The following USP35 variants were observed in gnomAD, a reference collection of about 807,000 sequenced individuals.
USP35 encodes ubiquitin carboxyl-terminal hydrolase 35.
Under a neutral mutation model 83.8 loss-of-function variants are expected in USP35, and 69 were observed. The observed-to-expected ratio is 0.82, with a 90% CI of 0.68 to 1.01. The LOEUF (loss-of-function observed/expected upper bound fraction) is 1.01. USP35 is among the 50% of genes least tolerant of loss of function. USP35 has a pLI of 0.00. For synonymous variants in USP35, 714 were observed against 589.5 expected (o/e 1.21, Z -3.06); for missense variants, 1,503 against 1,362.5 (o/e 1.10, Z -1.62).
At chr11:78,226,606 GGGGGC>G in the USP35 span, 1 of 1,612,634 alleles carries the variant, frequency 6.2e-7, no homozygotes, top group Non-Finnish European at 8.5e-7. Context: ...CTTGGCTTGG[GGGGGC>G]GGGGTGGGGG....
In USP35 at chr11:78,206,019, T is replaced by C; in HGVS notation, c.1375T>C (p.Leu459=). The change falls in exon 7 of 11, where the codon TTA becomes CTA. Residue 459 remains leucine, a synonymous_variant. Coordinates refer to ENST00000529308, the MANE Select transcript of USP35 (RefSeq NM_020798.4). ...TCYVNSILQA[L]FMASDFRHCV... is the part of the protein sequence containing the mutation. ...CTATGTCAACAGCATCCTTCAGGCCTTATTCATGGCGTCTGAGTAGGTGCT... is the reference window on the plus strand; with the variant it reads ...CTATGTCAACAGCATCCTTCAGGCCCTATTCATGGCGTCTGAGTAGGTGCT... 2 of 1,612,596 alleles carry C rather than the reference T, an allele frequency of 1.2e-6. No homozygotes were observed. Among genetic ancestry groups the C allele is most frequent in the South Asian group, 1.1e-5 (1 of 90,940 alleles).
chr11:78,236,647 T>A, the USP35 span, among the ~76,000 whole-genome samples: 2 of 152,362 alleles, frequency 1.3e-5, no homozygotes, highest in South Asian at 2.1e-4. Context: ...CCTCAATTCA[T>A]AGTTTGCTAA....
intron 8 of USP35, 44 bp downstream of exon 8, chr11:78,207,667 G>A (rs1174798604): frequency 3.8e-6 from 6 of 1,584,780 alleles, no homozygotes; most frequent in Non-Finnish European, 5.2e-6. Context: ...GGCAGCTCTG[G>A]TCAGGCCCCG....
the USP35 span, chr11:78,222,261 A>G: frequency 1.0e-6 from 1 of 979,048 alleles, no homozygotes; most frequent in Non-Finnish European, 1.7e-6. Flanking sequence ...CACACCTTAT[A>G]TATAACACAT....
rs1195516806 is a variant in USP35 at position 78,209,539 on chromosome 11, A to G, written c.1684A>G (p.Ser562Gly). The G allele has an allele frequency of 1.2e-6, 2 of 1,613,992 alleles. No homozygotes were observed. The highest frequency in any genetic ancestry group is 1.7e-6 in the Non-Finnish European group (2 of 1,179,984). ...TCCGCCCGAGGAGCCCCCGGCCCCA[A>G]GTTCAACCTCTGTGGAAAAAATGTT... ...PSPPEEPPAP[S>G]STSVEKMFGG... The change falls in exon 10 of 11, where the codon AGT becomes GGT. Residue 562 changes from serine to glycine, a missense_variant. Coordinates refer to ENST00000529308, the MANE Select transcript of USP35 (RefSeq NM_020798.4).
rs1864049682 is a variant in USP35, at chr11:78,215,070, A to G, written c.*1257A>G. 1.3e-5 allele frequency among the ~76,000 whole-genome samples: 2 copies of G among 152,192 alleles called. No homozygotes were observed. The highest frequency in any genetic ancestry group is 6.5e-5 in the Admixed American group (1 of 15,280). On this transcript the variant is annotated 3_prime_UTR_variant, in exon 11 of 11. Transcript: ENST00000529308. The stretch of plus-strand genomic sequence containing the variant: ...TAAGTGACCTGTGAAAGCAGCAGAC[A>G]GACACGCCCAGAACCCATCTCTAGA...
At chr11:78,189,642 C>T (rs755110635) in intron 1 of USP35, among the ~76,000 whole-genome samples, 1 of 152,148 alleles carries the variant, frequency 6.6e-6, no homozygotes, top group Non-Finnish European at 1.5e-5. Flanking sequence ...AGCTTGGTGC[C>T]CTTCCTTCCA....
intron 6 of USP35, among the ~76,000 whole-genome samples, chr11:78,205,403 C>T (rs1329685846): frequency 1.3e-5 from 2 of 152,220 alleles, no homozygotes; most frequent in African/African-American, 2.4e-5. Flanking sequence ...ATCAGAGAGC[C>T]TCGCCACCGC....
the USP35 span, chr11:78,226,619 G>GGGC: frequency 1.1e-6 from 1 of 952,240 alleles, no homozygotes; most frequent in Non-Finnish European, 1.6e-6. Flanking sequence ...GGCGGGGTGG[G>GGGC]GGAGCTATGG....
At chr11:78,207,412 G>T (rs758469622) in intron 7 of USP35, 118 bp from the exon 8 acceptor site, 1 of 976,198 alleles carries the variant, frequency 1.0e-6, no homozygotes, top group Non-Finnish European at 1.6e-6. Flanking sequence ...CTCCGTCTTG[G>T]GGCAGAAATG....
chr11:78,205,412 G>C (rs995945940), intron 6 of USP35, among the ~76,000 whole-genome samples: 1 of 152,174 alleles, frequency 6.6e-6, no homozygotes, highest in Non-Finnish European at 1.5e-5. Context: ...CCTCGCCACC[G>C]CCAGACAGCT....
rs774532294 is a variant in USP35, at chr11:78,210,473, G to A, written c.2618G>A (p.Arg873His). Reference sequence around the variant, plus strand: ...TGCTATGCCCGTGAGGGCGCTGCCCGCCCTGCCGCTTCTCTGGGAACTGCC... The same window carrying A: ...TGCTATGCCCGTGAGGGCGCTGCCCACCCTGCCGCTTCTCTGGGAACTGCC... ...YYCYAREGAA[R>H]PAASLGTADR... is the part of the protein sequence containing the mutation. The change falls in exon 10 of 11, where the codon CGC (arginine) becomes CAC (histidine). Residue 873 changes from arginine to histidine, a missense_variant. Transcript: ENST00000529308. 20 of 1,614,052 alleles carry A rather than the reference G, an allele frequency of 1.2e-5. No homozygotes were observed. The highest frequency in any genetic ancestry group is 6.7e-5 in the African/African-American group (5 of 74,944).
At chr11:78,230,361 C>G in the USP35 span, among the ~76,000 whole-genome samples, 1 of 152,202 alleles carries the variant, frequency 6.6e-6, no homozygotes, top group Non-Finnish European at 1.5e-5. Context: ...CCTGGTCTTG[C>G]ATTACTCACC....
At chr11:78,222,205 G>A in the USP35 span, 1 of 1,596,496 alleles carries the variant, frequency 6.3e-7, no homozygotes, top group Non-Finnish European at 8.6e-7. Context: ...GCTGGAGCAG[G>A]AAAAGAAAGT....
chr11:78,210,732 C>G lies in USP35; in HGVS notation c.2877C>G (p.Ile959Met). 1 of 1,556,888 alleles carries G rather than the reference C, an allele frequency of 6.4e-7. No individual in the cohort carries two copies. Among genetic ancestry groups the G allele is most frequent in the Non-Finnish European group, 8.7e-7 (1 of 1,149,992 alleles). The change falls in exon 10 of 11, where the codon ATC becomes ATG. Residue 959 changes from isoleucine (I) to methionine (M), a missense_variant. Physicochemically the swap from Ile to Met is conservative, Grantham distance 10. Transcript: ENST00000529308. ...DLMEAISKDN[I>M]LYLQEQEKEA... ...TGGAAGCCATTTCCAAAGACAACATCCTTTACCTACAGGTGAGCTGAGCCG... is the reference window on the plus strand; with the variant it reads ...TGGAAGCCATTTCCAAAGACAACATGCTTTACCTACAGGTGAGCTGAGCCG...
chr11:78,203,735 C>T (rs562527136), intron 6 of USP35, among the ~76,000 whole-genome samples: 41 of 151,172 alleles, frequency 2.7e-4, no homozygotes, highest in African/African-American at 6.8e-4. Context: ...CCTGCCACCA[C>T]GCCTGGCTAA....
chr11:78,234,668 G>C, the USP35 span, among the ~76,000 whole-genome samples: 3 of 149,858 alleles, frequency 2.0e-5, no homozygotes, highest in African/African-American at 7.4e-5. Flanking sequence ...TTCTCTCCTG[G>C]ACTTGCTAAT....
rs1467702712 is a variant in USP35 at position 78,200,186 on chromosome 11, C to G, written c.990C>G (p.Leu330=). The change falls in exon 5 of 11, where the codon CTC becomes CTG. Residue 330 remains leucine, a synonymous_variant. Transcript: ENST00000529308. ...TCCGGGGAGCTGCCTTGTCTGTGCT[C>G]AAGTACATGCTCCTGACCTTCCAGC... ...PIVRGAALSV[L]KYMLLTFQHS... 2 of 1,614,224 alleles carry G rather than the reference C, an allele frequency of 1.2e-6. No individual in the cohort carries two copies. Among genetic ancestry groups the G allele is most frequent in the East Asian group, 4.5e-5 (2 of 44,874 alleles).
At chr11:78,222,155 G>C in the USP35 span, 2 of 1,613,870 alleles carry the variant, frequency 1.2e-6, no homozygotes, top group Non-Finnish European at 1.7e-6. Context: ...GGAGTTCATC[G>C]ATGACGGTGT....
Sources: allele counts gnomAD v4.1 joint callset (sites outside exome capture counted in the v4.1 genomes callset), GRCh38; gene constraint gnomAD v4.1.1; transcripts MANE v1.5; gene names NCBI Gene and HGNC (gene_info 2026-07-23, HGNC 2026-07-21).